Variants in FBXL7 observed in about 807,000 individuals in gnomAD.
FBXL7 encodes F-box/LRR-repeat protein 7.
FBXL7 carries 12 observed loss-of-function variants against 38.3 expected under a neutral mutation model. The observed-to-expected ratio is 0.31, with a 90% CI of 0.20 to 0.51. The LOEUF (loss-of-function observed/expected upper bound fraction) is 0.51. Ranked by LOEUF, FBXL7 falls within the 20% of genes least tolerant of loss-of-function variation. The pLI is 0.98. For missense variants in FBXL7, 567 were observed against 676.4 expected (o/e 0.84, Z 1.79); for synonymous variants, 297 against 300.9 (o/e 0.99, Z 0.13).
At chr5:15,721,419 A>G (rs563674270) in intron 2 of FBXL7, among the ~76,000 whole-genome samples, 8 of 152,288 alleles carry the variant, frequency 5.3e-5, no homozygotes, top group African/African-American at 1.7e-4. Flanking sequence ...GTGCCCTGCC[A>G]AAAATCATAG....
Position 15,893,408 on chromosome 5 carries a change from G to A in FBXL7, c.128-34482G>A, listed in dbSNP as rs534644369. 3.2e-4 allele frequency among the ~76,000 whole-genome samples: 48 copies of A among 152,262 alleles called. No homozygotes were observed. The Middle Eastern group carries it at 0.01, about 32-fold the overall frequency. On this transcript the variant is annotated intron_variant, in intron 2 of 3. Coordinates refer to ENST00000504595, the MANE Select transcript of FBXL7 (RefSeq NM_012304.5). ...TAATCAGATATAAGCATAATACTTA[G>A]GGATGTTATAAATCAATTCTGAGTT...
At chr5:15,581,855 G>C (rs537053257) in intron 1 of FBXL7, among the ~76,000 whole-genome samples, 2 of 152,126 alleles carry the variant, frequency 1.3e-5, no homozygotes, top group Admixed American at 6.5e-5. Flanking sequence ...TCAGATACCC[G>C]GCTCCCTCCC....
At chr5:15,923,547 C>A (rs1341421745) in intron 2 of FBXL7, among the ~76,000 whole-genome samples, 1 of 152,048 alleles carries the variant, frequency 6.6e-6, no homozygotes, top group African/African-American at 2.4e-5. Flanking sequence ...TTTGGAAATA[C>A]ATTTAATGTA....
chr5:15,882,342 G>A (rs1480349059), intron 2 of FBXL7, among the ~76,000 whole-genome samples: 1 of 152,156 alleles, frequency 6.6e-6, no homozygotes, highest in African/African-American at 2.4e-5. Context: ...GTGGCGCCAG[G>A]TCATCTGGAG....
chr5:15,536,538 A>G (rs1045075129), intron 1 of FBXL7, among the ~76,000 whole-genome samples: 3 of 152,166 alleles, frequency 2.0e-5, no homozygotes, highest in South Asian at 2.1e-4. Context: ...TTAAGATTTA[A>G]TGACTGCCCT....
intron 1 of FBXL7, among the ~76,000 whole-genome samples, chr5:15,531,934 T>C (rs1245353172): frequency 6.6e-6 from 1 of 152,166 alleles, no homozygotes; most frequent in Non-Finnish European, 1.5e-5. Context: ...GGATTAAGAG[T>C]GTGTGATCAT....
rs112860089 is a variant in FBXL7 at position 15,689,236 on chromosome 5, C to T, written c.127+73164C>T. On this transcript the variant is annotated intron_variant, in intron 2 of 3. Transcript: ENST00000504595. The stretch of plus-strand genomic sequence containing the variant: ...TTTTCTCTGTTCTAAATATTATTCA[C>T]CTCTTGCTGCTTGTCATCAGTTTAT... 5.5e-3 allele frequency among the ~76,000 whole-genome samples: 839 copies of T among 151,584 alleles called. 6 individuals are homozygous for T. The highest frequency in any genetic ancestry group is 0.019 in the African/African-American group (766 of 41,366).
intron 1 of FBXL7, among the ~76,000 whole-genome samples, chr5:15,611,997 AAAAAT>A (rs1231421131): frequency 6.6e-6 from 1 of 152,050 alleles, no homozygotes; most frequent in Non-Finnish European, 1.5e-5. Context: ...AAAAGAAAAC[AAAAAT>A]AAAAACAAAA....
At chr5:15,716,416 C>T (rs1262486452) in intron 2 of FBXL7, among the ~76,000 whole-genome samples, 1 of 152,186 alleles carries the variant, frequency 6.6e-6, no homozygotes, top group East Asian at 1.9e-4. Flanking sequence ...ATTCTGCCCT[C>T]ATCATTTTTT....
At chr5:15,862,570 C>T (rs1739522843) in intron 2 of FBXL7, among the ~76,000 whole-genome samples, 2 of 152,206 alleles carry the variant, frequency 1.3e-5, no homozygotes, top group Admixed American at 1.3e-4. Context: ...ACTCAAAGAT[C>T]TGTAGAGTAC....
chr5:15,519,887 C>T (rs959996804), intron 1 of FBXL7, among the ~76,000 whole-genome samples: 4 of 152,014 alleles, frequency 2.6e-5, no homozygotes, highest in African/African-American at 7.3e-5. Context: ...GAATTCAGGG[C>T]GAGTCCATAC....
chr5:15,527,942 T>C (rs1217222121), intron 1 of FBXL7, among the ~76,000 whole-genome samples: 1 of 152,232 alleles, frequency 6.6e-6, no homozygotes, highest in African/African-American at 2.4e-5. Context: ...TCTTCAAATA[T>C]TCTTCACTGA....
chr5:15,917,303 A>G (rs1365798846), intron 2 of FBXL7, among the ~76,000 whole-genome samples: 1 of 152,180 alleles, frequency 6.6e-6, no homozygotes, highest in East Asian at 1.9e-4. Flanking sequence ...GAAAACCAGT[A>G]TCACTCGCCA....
intron 2 of FBXL7, among the ~76,000 whole-genome samples, chr5:15,700,297 T>G (rs1223630379): frequency 6.6e-6 from 1 of 152,194 alleles, no homozygotes; most frequent in African/African-American, 2.4e-5. Context: ...CCTCCTTTCA[T>G]GATAGAATAC....
Position 15,525,695 on chromosome 5 carries a change from T to A in FBXL7, c.37+24982T>A, listed in dbSNP as rs1014761707. 3.3e-5 allele frequency among the ~76,000 whole-genome samples: 5 copies of A among 152,136 alleles called. No homozygotes were observed. In the East Asian group the frequency reaches 9.6e-4, roughly 29 times the overall value. On this transcript the variant is annotated intron_variant, in intron 1 of 3. Coordinates refer to ENST00000504595, the MANE Select transcript of FBXL7 (RefSeq NM_012304.5). ...ATGCATCTGTAGCCAAGGACTCTAT[T>A]GTATGAGAGAAGGCGATATTCTTAT...
intron 2 of FBXL7, among the ~76,000 whole-genome samples, chr5:15,876,388 T>C (rs1046247917): frequency 6.6e-6 from 1 of 152,114 alleles, no homozygotes; most frequent in Non-Finnish European, 1.5e-5. Context: ...TCCCAGAACT[T>C]AAAGTATAAT....
chr5:15,518,021 C>T (rs181294503), intron 1 of FBXL7, among the ~76,000 whole-genome samples: 4 of 152,030 alleles, frequency 2.6e-5, no homozygotes, highest in African/African-American at 7.3e-5. Context: ...GACAGGGTCT[C>T]GCTCTGTCAC....
intron 1 of FBXL7, among the ~76,000 whole-genome samples, chr5:15,595,354 CAG>C (rs564995934): frequency 5.9e-5 from 9 of 152,026 alleles, no homozygotes; most frequent in Non-Finnish European, 1.3e-4. Flanking sequence ...AGAGTTGGAA[CAG>C]GGGTATGAAG....
chr5:15,630,227 AT>A (rs1170623776), intron 2 of FBXL7, among the ~76,000 whole-genome samples: 3 of 150,564 alleles, frequency 2.0e-5, no homozygotes, highest in Non-Finnish European at 4.5e-5. Context: ...TTCTAAGGCT[AT>A]TCAGCCCTCC....
Sources: gnomAD v4.1 joint callset for allele counts (sites outside exome capture counted in the v4.1 genomes callset) on GRCh38, gnomAD v4.1.1 for gene constraint, MANE v1.5 for transcripts, NCBI Gene and HGNC (gene_info 2026-07-23, HGNC 2026-07-21) for gene names.